The following NXF3 variants were observed in gnomAD, a reference collection of about 807,000 sequenced individuals.
NXF3 encodes the protein TAP-like protein 3.
A neutral mutation model predicts 48.4 loss-of-function variants in NXF3; 34 were observed. That is an observed-to-expected ratio of 0.70 (90% confidence interval 0.53 to 0.93). The LOEUF is 0.93. Among genes scored for constraint, NXF3 ranks in the 40% least tolerant of loss-of-function variants. NXF3 has a pLI of 0.00. For synonymous variants in NXF3, 132 were observed against 145.7 expected, an observed-to-expected ratio of 0.91 and a Z score of 0.68; for missense variants, 359 against 406.1, an observed-to-expected ratio of 0.88 and a Z score of 1.00.
chrX:103,085,087 C>T (rs776119508), intron 1 of NXF3, among the ~76,000 whole-genome samples: 75 of 111,604 alleles, frequency 6.7e-4, no homozygotes, highest in Non-Finnish European at 1.2e-3. Context: ...ACCTCAGCCT[C>T]CCAAGTAGCT....
At chrX:103,089,380 T>C in intron 1 of NXF3, 1 of 313,191 alleles carries the variant, frequency 3.2e-6, no homozygotes, top group East Asian at 5.7e-5. Flanking sequence ...TTAAATTGAA[T>C]GGTTTCACAG....
Position 103,078,551 on chromosome X carries a change from A to T in NXF3, c.1451+9T>A, listed in dbSNP as rs1379112941. 2.1e-5 allele frequency: 26 copies of T among 1,212,227 alleles called. No individual in the cohort carries two copies. Among genetic ancestry groups the T allele is most frequent in the Non-Finnish European group, 2.8e-5 (25 of 895,648 alleles). ...GGATGGGTGCTCCCACCCACAACAC[A>T]GCACTAACCTGGAACTGCTGCCAGG... On this transcript the variant is annotated intron_variant, in intron 17 of 19. Transcript: ENST00000395065.
Position 103,077,243 on chromosome X carries a change from CTTTT to C in NXF3, c.1584+367_1584+370del, listed in dbSNP as rs34811257. Among the ~76,000 whole-genome samples the C allele has an allele frequency of 6.4e-5, 4 of 62,585 alleles. No individual in the cohort carries two copies. In the East Asian group the frequency reaches 1.2e-3, roughly 19 times the overall value. 54.3% of individuals were successfully genotyped at this position (62,585 alleles called of 115,157 possible). A position where few individuals can be genotyped will look rare whatever the true frequency, so the allele number is the denominator to read the frequency against. On this transcript the variant is annotated intron_variant, in intron 18 of 19. Coordinates refer to ENST00000395065, the MANE Select transcript of NXF3 (RefSeq NM_022052.2). ...CACCATACACACCCAGCACTCACTT[CTTTT>C]TTTTTTTTTTTTTTTTTTTCCGAGA... is the stretch of plus-strand genomic sequence containing the variant.
At chrX:103,083,313 C>A (rs200825804) in intron 5 of NXF3, 40 bp from the exon 6 acceptor site, 3 of 1,179,488 alleles carry the variant, frequency 2.5e-6, no homozygotes, top group East Asian at 3.0e-5. Context: ...ACACTAGGAA[C>A]TCTGACCCCC....
chrX:103,080,013 T>G lies in NXF3; in HGVS notation c.1052A>C (p.Gln351Pro). 1 of 1,211,386 alleles carries G rather than the reference T, an allele frequency of 8.3e-7. No homozygotes were observed. The highest frequency in any genetic ancestry group is 1.1e-6 in the Non-Finnish European group (1 of 895,190). The change falls in exon 12 of 20, where the codon CAG becomes CCG. Residue 351 changes from glutamine (Q) to proline (P), a missense_variant and splice_region_variant. Physicochemically the swap from Gln to Pro is moderately conservative, Grantham distance 76. Coordinates refer to ENST00000395065, the MANE Select transcript of NXF3 (RefSeq NM_022052.2). ...GCCTCAGATTCCCAGGGATACTTAC[T>G]GCTGCAGGAATTGCAGGACCAGATT... ...LKNLVLQFLQQYYLIYDSGDR... is the reference protein window; with the variant it reads ...LKNLVLQFLQPYYLIYDSGDR...
In NXF3 at chrX:103,079,177, G is replaced by C. The variant is rs189448519; in HGVS notation, c.1378+44C>G. The stretch of plus-strand genomic sequence containing the variant: ...CTGAGATGGAGCCCAGCCAGGGGGA[G>C]GGAGGAGTGGGGGATCTGGGGAAGG... On this transcript the variant is annotated intron_variant, in intron 16 of 19. Transcript: ENST00000395065. The C allele has an allele frequency of 1.6e-3, 1,847 of 1,167,113 alleles. 4 individuals carry two copies. The highest frequency in any genetic ancestry group is 1.7e-3 in the Non-Finnish European group (1,431 of 856,538).
At chrX:103,080,770 G>C (rs1262684548) in intron 9 of NXF3, 158 bp from the exon 10 acceptor site, 1 of 496,303 alleles carries the variant, frequency 2.0e-6, no homozygotes, top group Admixed American at 3.2e-5. Context: ...TGGGAGCCCA[G>C]GCTTCAGGAC....
chrX:103,079,897 ATCTC>A (rs1921966825), intron 12 of NXF3, 27 bp from the exon 13 acceptor site: 1 of 1,186,893 alleles, frequency 8.4e-7, no homozygotes, highest in Admixed American at 2.2e-5. Context: ...AGGACAGGCT[ATCTC>A]TGTGGCCTGG....
At position 103,089,656 on chromosome X, in the gene NXF3, C is replaced by T. The variant is rs187942967; in HGVS notation, c.28+3340G>A. On this transcript the variant is annotated intron_variant, in intron 1 of 19. Coordinates refer to ENST00000395065, the MANE Select transcript of NXF3 (RefSeq NM_022052.2). ...TATATATACTCAAAAGACCGAGAGG[C>T]AAAAATTGGTTTTTAGCTGCAGCAC... Among the ~76,000 whole-genome samples, 3 of 111,600 alleles carry T rather than the reference C, an allele frequency of 2.7e-5. No individual in the cohort carries two copies. The East Asian group carries it at 8.4e-4, about 31-fold the overall frequency.
chrX:103,076,563 C>T (rs1161299055), intron 18 of NXF3, among the ~76,000 whole-genome samples: 1 of 111,279 alleles, frequency 9.0e-6, no homozygotes, highest in African/African-American at 3.3e-5. Context: ...GTCATGCAAA[C>T]CTGCCTCCCC....
At chrX:103,089,196 G>A in intron 1 of NXF3, 1 of 673,303 alleles carries the variant, frequency 1.5e-6, no homozygotes. Flanking sequence ...ATTCCGACAG[G>A]CTCCTCACTG....
chrX:103,083,754 A>G, intron 3 of NXF3, 62 bp from the exon 4 acceptor site: 1 of 856,405 alleles, frequency 1.2e-6, no homozygotes, highest in Non-Finnish European at 1.7e-6. Flanking sequence ...TAAACGTTAA[A>G]AGTGGACCCA....
chrX:103,079,509 C>G (rs765814726), intron 14 of NXF3, 35 bp from the exon 15 acceptor site: 2 of 1,181,250 alleles, frequency 1.7e-6, no homozygotes, highest in East Asian at 5.9e-5. Context: ...ATTTGGGGGG[C>G]TGCCACACCC....
chrX:103,078,598 G>A lies in NXF3; in HGVS notation c.1413C>T (p.Phe471=). The A allele has an allele frequency of 1.7e-6, 2 of 1,212,048 alleles. No homozygotes were observed. The highest frequency in any genetic ancestry group is 1.7e-5 in the African/African-American group (1 of 57,834). ...CAGGGGTAGCAATGAAGGTCCGGGT[G>A]AAGGCGAGAACAGAACCCTGAGACT... ...EGQSQGSVLA[F]TRTFIATPGS... is the part of the protein sequence containing the mutation. Residue 471 remains phenylalanine, a synonymous_variant, in exon 17 of 20, where the codon TTC becomes TTT. Coordinates refer to ENST00000395065, the MANE Select transcript of NXF3 (RefSeq NM_022052.2).
chrX:103,080,367 G>T, intron 10 of NXF3, 151 bp from the exon 11 acceptor site: 1 of 644,433 alleles, frequency 1.6e-6, no homozygotes, highest in Non-Finnish European at 2.4e-6. Flanking sequence ...CGGGATTGCC[G>T]CCACCTGAAG....
Position 103,075,997 on chromosome X carries a change from ACAT to A in NXF3, c.*50_*52del, listed in dbSNP as rs1921863009. 2.3e-5 allele frequency: 8 copies of A among 342,662 alleles called. No homozygotes were observed. Among genetic ancestry groups the A allele is most frequent in the Non-Finnish European group, 3.6e-5 (7 of 195,943 alleles). The allele number at this position is 342,662 out of a possible 1,213,427, so 28.2% of individuals were successfully genotyped here. A position where few individuals can be genotyped will look rare whatever the true frequency, so the allele number is the denominator to read the frequency against. On this transcript the variant is annotated splice_region_variant and 3_prime_UTR_variant, in exon 20 of 20. Coordinates refer to ENST00000395065, the MANE Select transcript of NXF3 (RefSeq NM_022052.2). ...TCTCCTGGTTCAGTCACAGGGAAAT[ACAT>A]CTATTGGAACAAAAATACAGGGAAG... is the stretch of plus-strand genomic sequence containing the variant.
chrX:103,089,578 TTA>T (rs1922229454), intron 1 of NXF3, among the ~76,000 whole-genome samples: 1 of 112,336 alleles, frequency 8.9e-6, no homozygotes, highest in Admixed American at 9.4e-5. Flanking sequence ...TATAAATAAT[TTA>T]GTCTCATTCA....
At position 103,077,503 on chromosome X, in the gene NXF3, C is replaced by T. The variant is rs961622960; in HGVS notation, c.1584+111G>A. 64 of 881,936 alleles carry T rather than the reference C, an allele frequency of 7.3e-5. No individual in the cohort carries two copies. In the African/African-American group the frequency reaches 8.6e-4, roughly 12 times the overall value. 72.7% of individuals were successfully genotyped at this position (881,936 alleles called of 1,213,427 possible). On this transcript the variant is annotated intron_variant, in intron 18 of 19. Transcript: ENST00000395065. ...TCCTGACCTCGTGATTCGCCCGCCTCGGCCTCCCAAAGTGCTGGGATTACA... is the reference window on the plus strand; with the variant it reads ...TCCTGACCTCGTGATTCGCCCGCCTTGGCCTCCCAAAGTGCTGGGATTACA...
intron 2 of NXF3, 59 bp from the exon 3 acceptor site, chrX:103,084,554 TTGATCCAC>T: frequency 2.6e-6 from 3 of 1,162,149 alleles, no homozygotes; most frequent in Non-Finnish European, 3.5e-6. Context: ...TTATACACAT[TTGATCCAC>T]TGATACCAGG....
Sources: allele counts gnomAD v4.1 joint callset (sites outside exome capture counted in the v4.1 genomes callset), GRCh38; gene constraint gnomAD v4.1.1; transcripts MANE v1.5; gene names NCBI Gene and HGNC (gene_info 2026-07-23, HGNC 2026-07-21).